SLC2A9: variants seen among roughly 807,000 people sequenced by gnomAD.
SLC2A9 encodes the protein solute carrier family 2 member 9.
In SLC2A9, 39 loss-of-function variants were observed where a neutral mutation model predicts 50.6. The ratio of observed to expected loss-of-function variants is 0.77; its 90% CI spans 0.60 to 1.01. SLC2A9 has a LOEUF of 1.01. Ranked by LOEUF, SLC2A9 falls within the 50% of genes least tolerant of loss-of-function variation. The probability of loss-of-function intolerance (pLI) is 0.00; values close to 1 mark genes in which losing one functional copy is unlikely to be tolerated. For synonymous variants in SLC2A9, 324 were observed against 276.9 expected (o/e 1.17, Z -1.69); for missense variants, 686 against 677.6 (o/e 1.01, Z -0.14).
downstream of SLC2A9, among the ~76,000 whole-genome samples, chr4:9,794,739 C>A (rs550829626): frequency 6.6e-6 from 1 of 152,306 alleles, no homozygotes; most frequent in Admixed American, 6.5e-5. Flanking sequence ...AAGATGGGTT[C>A]TCATCATGGT....
At chr4:9,816,151 C>A (rs563608512) in intron 3 of SLC2A9, among the ~76,000 whole-genome samples, 1 of 151,100 alleles carries the variant, frequency 6.6e-6, no homozygotes, top group East Asian at 1.9e-4. Context: ...GCCTGGGTAA[C>A]AGAGCAAGAC....
chr4:9,995,948 C>A (rs964141733), intron 3 of SLC2A9: 2 of 152,442 alleles, frequency 1.3e-5, no homozygotes, highest in African/African-American at 4.8e-5. Context: ...ACTCTTTCCA[C>A]ACACTGCTCA....
chr4:10,008,579 G>GGTGCTT, intron 2 of SLC2A9, among the ~76,000 whole-genome samples: 1 of 152,172 alleles, frequency 6.6e-6, no homozygotes, highest in Admixed American at 6.5e-5. Context: ...AGCATAGAAA[G>GGTGCTT]GTGCTTACAA....
At chr4:9,879,378 G>A (rs1734828725) in intron 10 of SLC2A9, 8 of 977,404 alleles carry the variant, frequency 8.2e-6, no homozygotes, top group South Asian at 4.7e-5. Flanking sequence ...GTATTTATGT[G>A]TGTATGTGTG....
intron 7 of SLC2A9, among the ~76,000 whole-genome samples, chr4:9,909,980 A>G (rs900354385): frequency 2.0e-5 from 3 of 152,228 alleles, no homozygotes; most frequent in African/African-American, 7.2e-5. Flanking sequence ...TTATTGCCAG[A>G]TGTTTTTAGC....
upstream of SLC2A9, among the ~76,000 whole-genome samples, chr4:10,022,346 T>TG (rs1763563825): frequency 6.6e-6 from 1 of 152,196 alleles, no homozygotes; most frequent in African/African-American, 2.4e-5. Context: ...GCGAGGGCTG[T>TG]GGGTTTGGAA....
At chr4:9,781,045 G>A (rs1422684536) in intron 3 of SLC2A9, among the ~76,000 whole-genome samples, 1 of 152,116 alleles carries the variant, frequency 6.6e-6, no homozygotes, top group African/African-American at 2.4e-5. Context: ...CTCCCAAGAG[G>A]TCAGCTGAAG....
intron 10 of SLC2A9, among the ~76,000 whole-genome samples, chr4:9,874,896 G>A (rs952171227): frequency 2.0e-5 from 3 of 149,384 alleles, no homozygotes; most frequent in Non-Finnish European, 4.5e-5. Flanking sequence ...ATAGGTTAGC[G>A]TCTGTCTAAG....
chr4:9,942,950 A>G (rs1296596263), intron 5 of SLC2A9, among the ~76,000 whole-genome samples: 1 of 152,190 alleles, frequency 6.6e-6, no homozygotes, highest in Non-Finnish European at 1.5e-5. Flanking sequence ...AGGGCAAAAT[A>G]AGACACACTC....
intron 3 of SLC2A9, among the ~76,000 whole-genome samples, chr4:9,816,490 C>G (rs1450937030): frequency 6.6e-6 from 1 of 152,092 alleles, no homozygotes; most frequent in East Asian, 1.9e-4. Context: ...GTTTCAGGTA[C>G]TGTATACCTG....
At chr4:9,910,153 C>A (rs920725940) in intron 7 of SLC2A9, among the ~76,000 whole-genome samples, 13 of 152,190 alleles carry the variant, frequency 8.5e-5, no homozygotes, top group African/African-American at 2.7e-4. Context: ...ATGGATACAT[C>A]CATCTATTGG....
intron 2 of SLC2A9, among the ~76,000 whole-genome samples, chr4:10,001,836 G>T (rs183280125): frequency 6.6e-6 from 1 of 152,154 alleles, no homozygotes; most frequent in African/African-American, 2.4e-5. Context: ...CCCTCTTCCC[G>T]CCTGGGAGAC....
chr4:9,931,951 T>TCTCTCTCA (rs1746101679), intron 6 of SLC2A9, among the ~76,000 whole-genome samples: 1 of 71,732 alleles, frequency 1.4e-5, no homozygotes, highest in Non-Finnish European at 2.4e-5. Flanking sequence ...TCTCTCTCTC[T>TCTCTCTCA]CTCTCTCTCT....
intron 6 of SLC2A9, among the ~76,000 whole-genome samples, chr4:9,931,726 A>G (rs1745961432): frequency 6.6e-6 from 1 of 151,896 alleles, no homozygotes. Flanking sequence ...ATTATCCGGC[A>G]GCTTGTGAGA....
intron 10 of SLC2A9, among the ~76,000 whole-genome samples, chr4:9,882,666 G>A (rs552179658): frequency 1.6e-4 from 24 of 147,250 alleles, no homozygotes; most frequent in Middle Eastern, 3.6e-3. Flanking sequence ...CTGAGATCGC[G>A]TCACTGCACT....
chr4:9,798,272 A>T (rs1391599057), downstream of SLC2A9, among the ~76,000 whole-genome samples: 1 of 152,178 alleles, frequency 6.6e-6, no homozygotes, highest in Non-Finnish European at 1.5e-5. Flanking sequence ...GTGTTTCATC[A>T]ACTGGCTCCA....
intron 5 of SLC2A9, among the ~76,000 whole-genome samples, chr4:9,949,164 C>G (rs1438895278): frequency 6.6e-6 from 1 of 152,172 alleles, no homozygotes; most frequent in African/African-American, 2.4e-5. Flanking sequence ...TAGCAATGTG[C>G]TTTTTATGGG....
downstream of SLC2A9, among the ~76,000 whole-genome samples, chr4:9,778,241 C>A (rs761656336): frequency 6.6e-6 from 1 of 151,986 alleles, no homozygotes; most frequent in African/African-American, 2.4e-5. Context: ...ACCTCTCTCT[C>A]TTTCTGTAGC....
At chr4:9,884,359 A>G (rs796670267) in intron 10 of SLC2A9, among the ~76,000 whole-genome samples, 4 of 152,152 alleles carry the variant, frequency 2.6e-5, no homozygotes, top group African/African-American at 7.2e-5. Flanking sequence ...TAACCTAAAA[A>G]TTCTGAGCTC....
Sources: gnomAD v4.1 joint callset for allele counts (sites outside exome capture counted in the v4.1 genomes callset) on GRCh38, gnomAD v4.1.1 for gene constraint, MANE v1.5 for transcripts, NCBI Gene and HGNC (gene_info 2026-07-23, HGNC 2026-07-21) for gene names.